The following COIL variants were observed in gnomAD, a reference collection of about 807,000 sequenced individuals.
The protein encoded by COIL is coilin p80.
A neutral mutation model predicts 51.6 loss-of-function variants in COIL; 28 were observed. That is an observed-to-expected ratio of 0.54 (90% CI 0.40 to 0.74). The LOEUF is 0.74. COIL is among the 30% of genes least tolerant of loss of function. The pLI, the probability that COIL is intolerant of heterozygous loss-of-function variation, is 0.00. For synonymous variants in COIL, 233 were observed against 255.8 expected (o/e 0.91, Z 0.85); for missense variants, 667 against 685.9 (o/e 0.97, Z 0.31).
chr17:56,950,233 C>A lies in COIL; in HGVS notation c.1009G>T (p.Ala337Ser). ...CCTACTGTCTTTAAGAAACCCGCAGCACACTCCGGGGTGCTCGATGACATC... is the reference window on the plus strand; with the variant it reads ...CCTACTGTCTTTAAGAAACCCGCAGAACACTCCGGGGTGCTCGATGACATC... ...CLMSSSTPECAAGFLKTVGLF... is the reference protein window; with the variant it reads ...CLMSSSTPECSAGFLKTVGLF... Residue 337 changes from alanine to serine, a missense_variant, in exon 2 of 7, where the codon GCT (alanine) becomes TCT (serine). Ala to Ser is a moderately conservative substitution (Grantham distance 99). Transcript: ENST00000240316. 1 of 1,614,248 alleles carries A rather than the reference C, an allele frequency of 6.2e-7. No individual in the cohort carries two copies. The highest frequency in any genetic ancestry group is 8.5e-7 in the Non-Finnish European group (1 of 1,180,050).
chr17:56,952,621 C>T (rs1910395021), intron 1 of COIL, among the ~76,000 whole-genome samples: 1 of 152,186 alleles, frequency 6.6e-6, no homozygotes, highest in Non-Finnish European at 1.5e-5. Flanking sequence ...CTGCCTGACT[C>T]TTCAAGCTGG....
At chr17:56,942,601 T>C (rs951563605) in intron 5 of COIL, among the ~76,000 whole-genome samples, 1 of 152,132 alleles carries the variant, frequency 6.6e-6, no homozygotes, top group Non-Finnish European at 1.5e-5. Flanking sequence ...CTACAACCTC[T>C]ACCTCCTGGG....
rs140510267 is a variant in COIL at position 56,942,055 on chromosome 17, C to T, written c.1627G>A (p.Ala543Thr). The part of the protein sequence containing the change: ...NENGAEVVEY[A>T]VTQESKITVF... ...CCTACCTTGCTCTCCTGTGTCACAG[C>T]GTACTCCACTACCTCGGCTCCATTT... The change falls in exon 6 of 7, where the codon GCT becomes ACT. Residue 543 changes from alanine (A) to threonine (T), a missense_variant. By Grantham distance (58) the Ala-to-Thr change is moderately conservative. Coordinates refer to ENST00000240316, the MANE Select transcript of COIL (RefSeq NM_004645.3). The T allele has an allele frequency of 5.0e-6, 8 of 1,613,896 alleles. No homozygotes were observed. The highest frequency in any genetic ancestry group is 6.8e-6 in the Non-Finnish European group (8 of 1,179,912).
chr17:56,941,987 C>A lies in COIL; in HGVS notation c.1647+48G>T. The A allele has an allele frequency of 2.1e-6, 3 of 1,459,172 alleles. No individual in the cohort carries two copies. The South Asian group carries it at 3.4e-5, about 17-fold the overall frequency. 90.4% of individuals were successfully genotyped at this position (1,459,172 alleles called of 1,614,324 possible). On this transcript the variant is annotated intron_variant, in intron 6 of 6. Coordinates refer to ENST00000240316, the MANE Select transcript of COIL (RefSeq NM_004645.3). Reference sequence around the variant, plus strand: ...ACCTTCCAAACCACAGGTAATTGGTCAAGAGAGAACGAATGGCCAAGCAAC... The same window carrying A: ...ACCTTCCAAACCACAGGTAATTGGTAAAGAGAGAACGAATGGCCAAGCAAC...
chr17:56,949,618 TA>T, intron 3 of COIL, 62 bp downstream of exon 3: 1 of 1,491,868 alleles, frequency 6.7e-7, no homozygotes, highest in Non-Finnish European at 9.3e-7. Flanking sequence ...CCTGATTTTC[TA>T]AGTAAGTTTA....
Position 56,949,723 on chromosome 17 carries a change from C to T in COIL, c.1398G>A (p.Leu466=), listed in dbSNP as rs1910318980. The T allele has an allele frequency of 3.7e-6, 6 of 1,614,198 alleles. No individual in the cohort carries two copies. The highest frequency in any genetic ancestry group is 4.5e-5 in the East Asian group (2 of 44,886). The part of the protein sequence containing the change: ...TPKKDYSLLP[L]LAAAPQVGEK... ...CTCCAACTTGAGGGGCAGCTGCTAACAGTGGTAACAGACTATAGTCCTTCT... is the reference window on the plus strand; with the variant it reads ...CTCCAACTTGAGGGGCAGCTGCTAATAGTGGTAACAGACTATAGTCCTTCT... The change falls in exon 3 of 7, where the codon CTG becomes CTA. Residue 466 remains leucine, a synonymous_variant. Transcript: ENST00000240316.
chr17:56,955,647 T>G (rs1910469327), intron 1 of COIL, among the ~76,000 whole-genome samples: 1 of 152,168 alleles, frequency 6.6e-6, no homozygotes, highest in Non-Finnish European at 1.5e-5. Context: ...CAGTACTCAG[T>G]GACTTATTAT....
intron 1 of COIL, among the ~76,000 whole-genome samples, chr17:56,953,362 G>A (rs182050296): frequency 2.0e-4 from 30 of 146,982 alleles, no homozygotes; most frequent in Admixed American, 4.9e-4. Flanking sequence ...AGTGAGCCGA[G>A]GTCACACCAC....
chr17:56,952,332 G>A (rs974176606), intron 1 of COIL: 7 of 449,308 alleles, frequency 1.6e-5, no homozygotes, highest in Admixed American at 2.5e-5. Context: ...TGACAACCTC[G>A]GCTGGCATCA....
chr17:56,955,958 T>C (rs1395603906), intron 1 of COIL, among the ~76,000 whole-genome samples: 2 of 152,114 alleles, frequency 1.3e-5, no homozygotes, highest in Non-Finnish European at 2.9e-5. Flanking sequence ...AAGAATGACA[T>C]ACATCACACA....
At chr17:56,956,410 T>G (rs1363168835) in intron 1 of COIL, among the ~76,000 whole-genome samples, 6 of 149,054 alleles carry the variant, frequency 4.0e-5, no homozygotes, top group Non-Finnish European at 8.9e-5. Context: ...AGCTAATTTT[T>G]TTTGTTTGTT....
rs142068736 is a variant in COIL at position 56,945,765 on chromosome 17, G to A, written c.1558+677C>T. 3.5e-3 allele frequency among the ~76,000 whole-genome samples: 531 copies of A among 152,280 alleles called. 2 individuals carry two copies. Among genetic ancestry groups the A allele is most frequent in the Non-Finnish European group, 5.7e-3 (390 of 68,028 alleles). The stretch of plus-strand genomic sequence containing the variant: ...AAGTCTTGCTCTGTCACTCAGTCTG[G>A]AAGGCAGTTGCACTATCTCGGCTCA... On this transcript the variant is annotated intron_variant, in intron 5 of 6. Transcript: ENST00000240316.
chr17:56,951,074 G>T, intron 1 of COIL, 78 bp from the exon 2 acceptor site: 1 of 1,322,202 alleles, frequency 7.6e-7, no homozygotes. Flanking sequence ...ATACTGAGAT[G>T]ACTCTACAAA....
rs148833804 is a variant in COIL at position 56,949,895 on chromosome 17, A to G, written c.1347T>C (p.Ile449=). The change falls in exon 2 of 7, where the codon ATT becomes ATC. Residue 449 remains isoleucine (I), a synonymous_variant. Transcript: ENST00000240316. The part of the protein sequence containing the change: ...LNDVVKNSST[I]IQNPVETPKK... Reference sequence around the variant, plus strand: ...TACAAAAAATAATACTTACCTGGATAATAGTAGATGAATTTTTTACCACGT... The same window carrying G: ...TACAAAAAATAATACTTACCTGGATGATAGTAGATGAATTTTTTACCACGT... The G allele has an allele frequency of 3.2e-5, 51 of 1,613,416 alleles. No homozygotes were observed. The highest frequency in any genetic ancestry group is 4.2e-5 in the Non-Finnish European group (50 of 1,179,754).
Position 56,960,948 on chromosome 17 carries a change from CG to C in COIL, c.71del (p.Thr24ArgfsTer9). 1 of 1,614,176 alleles carries C rather than the reference CG, an allele frequency of 6.2e-7. No individual in the cohort carries two copies. Among genetic ancestry groups the C allele is most frequent in the Non-Finnish European group, 8.5e-7 (1 of 1,180,028 alleles). On this transcript the variant is annotated frameshift_variant, in exon 1 of 7. Coordinates refer to ENST00000240316, the MANE Select transcript of COIL (RefSeq NM_004645.3). LOFTEE classifies it high-confidence loss of function. ...DYPPPATPHC[T>X]AFWLLVDLNR... is the part of the protein sequence containing the mutation. ...TCAAGTCGACCAGAAGCCAGAAGGC[CG>C]TACAGTGCGGGGTAGCTGGCGGCGG...
chr17:56,941,628 A>G (rs1598091931), intron 6 of COIL, among the ~76,000 whole-genome samples: 1 of 152,182 alleles, frequency 6.6e-6, no homozygotes, highest in Admixed American at 6.6e-5. Flanking sequence ...GCAAGGGGAC[A>G]TAATAGAGGC....
intron 6 of COIL, chr17:56,941,276 G>A (rs571048607): frequency 5.3e-5 from 8 of 151,822 alleles, no homozygotes; most frequent in East Asian, 3.9e-4. Context: ...TGGAACTCTC[G>A]GGCCAGGCAT....
Position 56,950,252 on chromosome 17 carries a change from T to C in COIL, c.990A>G (p.Ser330=), listed in dbSNP as rs746909029. 12 of 1,614,214 alleles carry C rather than the reference T, an allele frequency of 7.4e-6. No individual in the cohort carries two copies. Among genetic ancestry groups the C allele is most frequent in the South Asian group, 2.2e-5 (2 of 91,092 alleles). Residue 330 remains serine (S), a synonymous_variant, in exon 2 of 7, where the codon TCA becomes TCG. Coordinates refer to ENST00000240316, the MANE Select transcript of COIL (RefSeq NM_004645.3). ...SAESDDQCLM[S]SSTPECAAGF... ...CCGCAGCACACTCCGGGGTGCTCGA[T>C]GACATCAAGCATTGGTCGTCTGACT...
At position 56,938,848 on chromosome 17, in the gene COIL, A is replaced by C; in HGVS notation, c.*223T>G. On this transcript the variant is annotated 3_prime_UTR_variant, in exon 7 of 7. Coordinates refer to ENST00000240316, the MANE Select transcript of COIL (RefSeq NM_004645.3). The stretch of plus-strand genomic sequence containing the variant: ...ATCTGCAGGGAATGTCATGTTTTAC[A>C]TTTTGTTAACTGAAATTAAACCTGA... 1 of 415,292 alleles carries C rather than the reference A, an allele frequency of 2.4e-6. No individual in the cohort carries two copies. The highest frequency in any genetic ancestry group is 4.3e-6 in the Non-Finnish European group (1 of 234,464). 25.7% of individuals were successfully genotyped at this position (415,292 alleles called of 1,614,324 possible).
Sources: allele counts gnomAD v4.1 joint callset (sites outside exome capture counted in the v4.1 genomes callset), GRCh38; gene constraint gnomAD v4.1.1; transcripts MANE v1.5; gene names NCBI Gene and HGNC (gene_info 2026-07-23, HGNC 2026-07-21).